DIO2: variants seen among roughly 807,000 people sequenced by gnomAD.
DIO2 encodes type II iodothyronine deiodinase.
DIO2 carries 19 observed loss-of-function variants against 21.4 expected under a neutral mutation model. That is an observed-to-expected ratio of 0.89 (90% CI 0.62 to 1.30). The LOEUF (loss-of-function observed/expected upper bound fraction) is 1.30. Ranked by LOEUF, DIO2 falls within the 50% of genes most tolerant of loss-of-function variation. DIO2 has a pLI of 0.00. For synonymous variants in DIO2, 122 were observed against 132.9 expected (o/e 0.92, Z 0.57); for missense variants, 302 against 338.1 (o/e 0.89, Z 0.84).
upstream of DIO2, among the ~76,000 whole-genome samples, chr14:80,214,380 A>G (rs1051819838): frequency 6.6e-6 from 1 of 152,082 alleles, no homozygotes; most frequent in Non-Finnish European, 1.5e-5. Context: ...AATCAGAAAA[A>G]CCTTTCTTTT....
chr14:80,218,182 AAAAC>A (rs562163446), intron 2 of DIO2, among the ~76,000 whole-genome samples: 275 of 152,166 alleles, frequency 1.8e-3, no homozygotes, highest in Middle Eastern at 0.017. Flanking sequence ...CTTCTTTGTA[AAAAC>A]AAACAAACAA....
rs1461689654 is a variant in DIO2 at position 80,200,671 on chromosome 14, T to C, written c.*2018A>G. 6.6e-6 allele frequency: 1 copy of C among 152,176 alleles called. No homozygotes were observed. Among genetic ancestry groups the C allele is most frequent in the Non-Finnish European group, 1.5e-5 (1 of 68,030 alleles). 9.4% of individuals were successfully genotyped at this position (152,176 alleles called of 1,614,324 possible). On this transcript the variant is annotated 3_prime_UTR_variant, in exon 2 of 2. Coordinates refer to ENST00000438257, the MANE Select transcript of DIO2 (RefSeq NM_013989.5). ...TCAATATGATTTTCCAGCAACTCAT[T>C]AGATAATGAAATTTGCTTTGTTTCT...
chr14:80,206,320 C>A, intron 1 of DIO2: 3 of 1,557,330 alleles, frequency 1.9e-6, no homozygotes, highest in Non-Finnish European at 2.6e-6. Flanking sequence ...TTGCTAAAAC[C>A]TGATGGAGGA....
Position 80,203,307 on chromosome 14 carries a change from AAAAAG to A in DIO2, c.223-24_223-20del, listed in dbSNP as rs1212080597. ...ATTTCACCTGACGGTAAAAAAAAAA[AAAAAG>A]AAGAAGAAGAAGAAGGTGAGAATAT... On this transcript the variant is annotated intron_variant, in intron 1 of 1. Transcript: ENST00000438257. The A allele has an allele frequency of 4.0e-6, 6 of 1,501,060 alleles. No individual in the cohort carries two copies. The African/African-American group carries it at 4.3e-5, about 11-fold the overall frequency. The allele number at this position is 1,501,060 out of a possible 1,614,324, so 93.0% of individuals were successfully genotyped here.
At position 80,199,845 on chromosome 14, in the gene DIO2, T is replaced by C. The variant is rs561096677; in HGVS notation, c.*2844A>G. ...AGAGAACTCAGACTTTTATATATGATATAAATATATCATAGATTTATACTA... is the reference window on the plus strand; with the variant it reads ...AGAGAACTCAGACTTTTATATATGACATAAATATATCATAGATTTATACTA... On this transcript the variant is annotated 3_prime_UTR_variant, in exon 2 of 2. Coordinates refer to ENST00000438257, the MANE Select transcript of DIO2 (RefSeq NM_013989.5). 1 of 152,714 alleles carries C rather than the reference T, an allele frequency of 6.5e-6. No homozygotes were observed. Among genetic ancestry groups the C allele is most frequent in the East Asian group, 1.9e-4 (1 of 5,184 alleles). The allele number at this position is 152,714 out of a possible 1,614,324, so 9.5% of individuals were successfully genotyped here. A position where few individuals can be genotyped will look rare whatever the true frequency, so the allele number is the denominator to read the frequency against.
chr14:80,228,355 G>A (rs1463499585), intron 2 of DIO2, among the ~76,000 whole-genome samples: 1 of 152,180 alleles, frequency 6.6e-6, no homozygotes, highest in Non-Finnish European at 1.5e-5. Flanking sequence ...ATTTGGTCAA[G>A]CAATGAAACC....
At chr14:80,225,661 G>A (rs1888560916) in intron 2 of DIO2, among the ~76,000 whole-genome samples, 1 of 152,140 alleles carries the variant, frequency 6.6e-6, no homozygotes, top group South Asian at 2.1e-4. Context: ...CACCTCAGCA[G>A]GTCGTGGGTT....
At chr14:80,209,370 T>C (rs953885583) in intron 1 of DIO2, among the ~76,000 whole-genome samples, 162 of 152,084 alleles carry the variant, frequency 1.1e-3, no homozygotes, top group African/African-American at 3.7e-3. Context: ...TTTTACTTTA[T>C]AGGCAAAAGG....
intron 1 of DIO2, chr14:80,206,280 T>A (rs1159847438): frequency 6.3e-7 from 1 of 1,583,340 alleles, no homozygotes; most frequent in East Asian, 2.3e-5. Flanking sequence ...TTTATAAGCT[T>A]CATATACTAG....
intron 1 of DIO2, chr14:80,206,404 T>C (rs1340103826): frequency 1.2e-6 from 1 of 858,954 alleles, no homozygotes; most frequent in Non-Finnish European, 1.8e-6. Flanking sequence ...GAAAATATTC[T>C]AAAAGGATAT....
chr14:80,223,175 C>T (rs910772213), intron 2 of DIO2, among the ~76,000 whole-genome samples: 2 of 152,070 alleles, frequency 1.3e-5, no homozygotes, highest in Non-Finnish European at 2.9e-5. Context: ...TTGGTACGTG[C>T]TTGACATTGC....
chr14:80,221,563 T>G (rs1888465939), intron 2 of DIO2, among the ~76,000 whole-genome samples: 2 of 152,170 alleles, frequency 1.3e-5, no homozygotes, highest in African/African-American at 2.4e-5. Context: ...TGGTCTCAGT[T>G]TATTCATTTA....
chr14:80,206,349 G>T (rs757791166), intron 1 of DIO2: 5 of 1,470,322 alleles, frequency 3.4e-6, no homozygotes, highest in Non-Finnish European at 4.5e-6. Context: ...CTAAAATAAA[G>T]AAAAAAAACT....
intron 1 of DIO2, 94 bp from the exon 2 acceptor site, chr14:80,203,382 A>G (rs1184474301): frequency 2.2e-6 from 3 of 1,377,898 alleles, no homozygotes; most frequent in Non-Finnish European, 1.9e-6. Flanking sequence ...AATAGTTACA[A>G]TTGGCTCTAA....
Position 80,202,662 on chromosome 14 carries a change from A to T in DIO2, c.*27T>A. ...CCTTGCCTTTATATAACTTTTTAAAACAATAAGCTCTCTTATAATCATACC... is the reference window on the plus strand; with the variant it reads ...CCTTGCCTTTATATAACTTTTTAAATCAATAAGCTCTCTTATAATCATACC... On this transcript the variant is annotated 3_prime_UTR_variant, in exon 2 of 2. Transcript: ENST00000438257. 1.9e-6 allele frequency: 3 copies of T among 1,561,868 alleles called. No homozygotes were observed. Among genetic ancestry groups the T allele is most frequent in the Non-Finnish European group, 2.6e-6 (3 of 1,154,538 alleles).
intron 2 of DIO2, among the ~76,000 whole-genome samples, chr14:80,217,430 G>A (rs1365137211): frequency 2.6e-5 from 4 of 152,110 alleles, no homozygotes; most frequent in Non-Finnish European, 2.9e-5. Flanking sequence ...TTATTGTTCT[G>A]TTTCCATTTC....
In DIO2 at chr14:80,198,293, C is replaced by T. The variant is rs1209605690; in HGVS notation, c.*4396G>A. On this transcript the variant is annotated 3_prime_UTR_variant, in exon 2 of 2. Coordinates refer to ENST00000438257, the MANE Select transcript of DIO2 (RefSeq NM_013989.5). ...GGTAGCCAGCCCCGACTTGCATGAG[C>T]AGTCTTGTTTGGATATCTGCACATG... The T allele has an allele frequency of 6.6e-6, 1 of 152,666 alleles. No homozygotes were observed. Among genetic ancestry groups the T allele is most frequent in the East Asian group, 1.9e-4 (1 of 5,188 alleles). 9.5% of individuals were successfully genotyped at this position (152,666 alleles called of 1,614,324 possible).
intron 2 of DIO2, among the ~76,000 whole-genome samples, chr14:80,220,418 G>A (rs1400304665): frequency 6.6e-6 from 1 of 152,100 alleles, no homozygotes; most frequent in Non-Finnish European, 1.5e-5. Context: ...TATAGTTAAA[G>A]AATACATTAG....
intron 2 of DIO2, among the ~76,000 whole-genome samples, chr14:80,229,160 A>G (rs1002315602): frequency 1.3e-5 from 2 of 152,036 alleles, no homozygotes; most frequent in Non-Finnish European, 2.9e-5. Context: ...TCAACCTAGA[A>G]GTTTTCTGCT....
Sources: gnomAD v4.1 joint callset for allele counts (sites outside exome capture counted in the v4.1 genomes callset) on GRCh38, gnomAD v4.1.1 for gene constraint, MANE v1.5 for transcripts, NCBI Gene and HGNC (gene_info 2026-07-23, HGNC 2026-07-21) for gene names.